EML6: variants seen among roughly 807,000 people sequenced by gnomAD.
The protein encoded by EML6 is echinoderm microtubule-associated protein-like 6.
In EML6, 154 loss-of-function variants were observed where a neutral mutation model predicts 240.1. The observed-to-expected ratio is 0.64, with a 90% CI of 0.56 to 0.73. The LOEUF (loss-of-function observed/expected upper bound fraction) is 0.73. EML6 is among the 30% of genes least tolerant of loss of function. The pLI is 0.00. For missense variants in EML6, 2,964 were observed against 2,474.6 expected (o/e 1.20, Z -4.20); for synonymous variants, 1,148 against 899.0 (o/e 1.28, Z -4.95).
intron 2 of EML6, among the ~76,000 whole-genome samples, chr2:54,742,079 A>C (rs1683667941): frequency 6.6e-6 from 1 of 152,252 alleles, no homozygotes; most frequent in Admixed American, 6.5e-5. Context: ...CACCATTAAA[A>C]GAAAAAAAGA....
Position 54,894,857 on chromosome 2 carries a change from A to G in EML6, c.2743-58A>G, listed in dbSNP as rs923782361. ...ACCTGCGGGGAATCCTCCTGGGGCC[A>G]AGTGGGTAATTGGTCATTTTGATGT... On this transcript the variant is annotated intron_variant, in intron 19 of 41. Transcript: ENST00000356458. 2.1e-5 allele frequency: 26 copies of G among 1,209,404 alleles called. No homozygotes were observed. The African/African-American group carries it at 3.3e-4, about 15-fold the overall frequency. The allele number at this position is 1,209,404 out of a possible 1,614,324, so 74.9% of individuals were successfully genotyped here. A position where few individuals can be genotyped will look rare whatever the true frequency, so the allele number is the denominator to read the frequency against.
At chr2:54,804,367 C>T (rs904543493) in intron 2 of EML6, among the ~76,000 whole-genome samples, 1 of 152,250 alleles carries the variant, frequency 6.6e-6, no homozygotes, top group African/African-American at 2.4e-5. Flanking sequence ...CTGGATTTCA[C>T]ATAGACCTCT....
chr2:54,931,397 A>C (rs1674856887), intron 28 of EML6, among the ~76,000 whole-genome samples: 1 of 152,206 alleles, frequency 6.6e-6, no homozygotes, highest in Non-Finnish European at 1.5e-5. Flanking sequence ...GTCCTCATCT[A>C]GGGTATAAAA....
chr2:54,814,515 C>A (rs530725084), intron 3 of EML6, among the ~76,000 whole-genome samples: 236 of 152,342 alleles, frequency 1.5e-3, no homozygotes, highest in African/African-American at 5.1e-3. Flanking sequence ...CCAACCGCCT[C>A]CGTTTCCTGT....
intron 8 of EML6, among the ~76,000 whole-genome samples, chr2:54,847,265 G>C (rs570503481): frequency 2.6e-5 from 4 of 152,112 alleles, no homozygotes; most frequent in African/African-American, 7.2e-5. Flanking sequence ...TACCTCATTT[G>C]ATAATTCTTG....
intron 2 of EML6, among the ~76,000 whole-genome samples, chr2:54,798,153 A>G (rs1274931371): frequency 2.0e-5 from 3 of 151,938 alleles, no homozygotes; most frequent in Admixed American, 2.0e-4. Flanking sequence ...TAATTTTTCT[A>G]TGTAGTATTT....
intron 3 of EML6, among the ~76,000 whole-genome samples, chr2:54,813,956 A>G (rs1667971393): frequency 6.6e-6 from 1 of 152,136 alleles, no homozygotes; most frequent in Non-Finnish European, 1.5e-5. Context: ...TCTTCCTGCC[A>G]CTGTCCTTTA....
intron 24 of EML6, among the ~76,000 whole-genome samples, chr2:54,906,835 G>A (rs908004083): frequency 3.9e-5 from 6 of 152,174 alleles, no homozygotes; most frequent in African/African-American, 7.2e-5. Context: ...GCTGCCTCAA[G>A]ACCAGCCTAG....
intron 11 of EML6, among the ~76,000 whole-genome samples, chr2:54,858,357 A>G (rs777631980): frequency 1.3e-5 from 2 of 152,192 alleles, no homozygotes; most frequent in African/African-American, 2.4e-5. Flanking sequence ...TTGTGGACAT[A>G]TTTTTAAACC....
At chr2:54,775,370 C>T (rs1668558685) in intron 2 of EML6, among the ~76,000 whole-genome samples, 1 of 152,144 alleles carries the variant, frequency 6.6e-6, no homozygotes, top group Admixed American at 6.5e-5. Flanking sequence ...ATAAACCAAG[C>T]AAGTGTCTGA....
chr2:54,863,910 G>T (rs1573025386), intron 13 of EML6, 21 bp downstream of exon 13: 2 of 1,374,250 alleles, frequency 1.5e-6, no homozygotes, highest in Non-Finnish European at 2.0e-6. Context: ...AGGGAGCAAT[G>T]AAAATTTGTA....
chr2:54,815,341 C>G (rs1668036043), intron 3 of EML6, among the ~76,000 whole-genome samples: 1 of 152,104 alleles, frequency 6.6e-6, no homozygotes, highest in South Asian at 2.1e-4. Context: ...TTCAGGTCCT[C>G]CTTACTCCCT....
In EML6 at chr2:54,816,830, T is replaced by C; in HGVS notation, c.401T>C (p.Ile134Thr). 2 of 1,551,540 alleles carry C rather than the reference T, an allele frequency of 1.3e-6. No homozygotes were observed. Among genetic ancestry groups the C allele is most frequent in the African/African-American group, 1.4e-5 (1 of 73,166 alleles). Residue 134 changes from isoleucine (I) to threonine (T), a missense_variant, in exon 4 of 42, where the codon ATT (isoleucine) becomes ACT (threonine). Physicochemically the swap from Ile to Thr is moderately conservative, Grantham distance 89 (BLOSUM62 -1). Coordinates refer to ENST00000356458, the MANE Select transcript of EML6 (RefSeq NM_001039753.4). ...VGLDAKNTVC[I>T]WDWRKGKLLA... Reference sequence around the variant, plus strand: ...TTGGATGCCAAAAACACAGTCTGCATTTGGGACTGGAGGAAGGGAAAACTT... The same window carrying C: ...TTGGATGCCAAAAACACAGTCTGCACTTGGGACTGGAGGAAGGGAAAACTT...
chr2:54,938,208 T>A (rs1675249849), intron 28 of EML6, among the ~76,000 whole-genome samples: 1 of 152,144 alleles, frequency 6.6e-6, no homozygotes, highest in African/African-American at 2.4e-5. Flanking sequence ...TAGCTAGGCA[T>A]GGTGGCGGGC....
At chr2:54,929,300 C>G (rs893429175) in intron 28 of EML6, among the ~76,000 whole-genome samples, 1 of 152,256 alleles carries the variant, frequency 6.6e-6, no homozygotes, top group African/African-American at 2.4e-5. Context: ...GCCTTGGATC[C>G]TCTATATAGA....
chr2:54,726,643 A>G (rs1682922406), intron 2 of EML6, among the ~76,000 whole-genome samples: 1 of 152,058 alleles, frequency 6.6e-6, no homozygotes, highest in East Asian at 1.9e-4. Flanking sequence ...CCTCCCTAAC[A>G]TGGTAGTTGT....
chr2:54,859,455 A>C, intron 11 of EML6, 79 bp from the exon 12 acceptor site: 1 of 1,118,964 alleles, frequency 8.9e-7, no homozygotes, highest in Non-Finnish European at 1.3e-6. Flanking sequence ...ACTCTTCAAC[A>C]TGAACAGAAG....
At chr2:54,744,131 G>T (rs951805704) in intron 2 of EML6, among the ~76,000 whole-genome samples, 3 of 151,344 alleles carry the variant, frequency 2.0e-5, no homozygotes, top group Middle Eastern at 3.2e-3. Context: ...GGAGAGTTGT[G>T]GGGGGTGGGG....
At chr2:54,961,436 C>T (rs529342042) in intron 35 of EML6, among the ~76,000 whole-genome samples, 97 of 151,680 alleles carry the variant, frequency 6.4e-4, no homozygotes, top group African/African-American at 2.2e-3. Context: ...ATCCACCCAC[C>T]ACGGCCTCCC....
Sources: allele counts gnomAD v4.1 joint callset (sites outside exome capture counted in the v4.1 genomes callset), GRCh38; gene constraint gnomAD v4.1.1; transcripts MANE v1.5; gene names NCBI Gene and HGNC (gene_info 2026-07-23, HGNC 2026-07-21).